Variants in WDR87 observed in about 807,000 individuals in gnomAD.
WDR87 encodes the protein WD repeat-containing protein 87.
A neutral mutation model predicts 83.3 loss-of-function variants in WDR87; 56 were observed. That is an observed-to-expected ratio of 0.67 (90% CI 0.54 to 0.84). The LOEUF (loss-of-function observed/expected upper bound fraction) is 0.84. WDR87 is among the 40% of genes least tolerant of loss of function. The pLI, the probability that WDR87 is intolerant of heterozygous loss-of-function variation, is 0.00. For synonymous variants in WDR87, 1,173 were observed against 1,250.6 expected, an observed-to-expected ratio of 0.94 and a Z score of 1.31; for missense variants, 2,939 against 3,431.9, an observed-to-expected ratio of 0.86 and a Z score of 3.59.
At chr19:37,896,040 A>G in intron 3 of WDR87, 98 bp downstream of exon 3, 1 of 1,436,806 alleles carries the variant, frequency 7.0e-7, no homozygotes, top group South Asian at 1.4e-5. Flanking sequence ...GACCACATTC[A>G]TCCATGGGGA....
chr19:37,900,509 C>T (rs1275838849), intron 1 of WDR87, among the ~76,000 whole-genome samples: 1 of 134,380 alleles, frequency 7.4e-6, no homozygotes, highest in East Asian at 2.4e-4. Context: ...TGCAGCAAGC[C>T]GAGATCACGC....
chr19:37,887,999 T>G lies in WDR87; in HGVS notation c.5672A>C (p.Lys1891Thr), dbSNP rs866212650. The change falls in exon 6 of 6, where the codon AAA becomes ACA. Residue 1891 changes from lysine to threonine, a missense_variant. Coordinates refer to ENST00000447313, the MANE Select transcript of WDR87 (RefSeq NM_001291088.2). ...TAGGTTCTCTTTCCTCTGAGCCAAT[T>G]TTTCCTTCTCCTGGGCCAGATTCTT... is the stretch of plus-strand genomic sequence containing the variant. Reference protein sequence around the residue: ...EKKNLAQEKEKLAQRKENLLY... With the variant: ...EKKNLAQEKETLAQRKENLLY... 24 of 1,550,432 alleles carry G rather than the reference T, an allele frequency of 1.5e-5. No homozygotes were observed. Among genetic ancestry groups the G allele is most frequent in the Non-Finnish European group, 2.1e-5 (24 of 1,146,830 alleles).
Position 37,892,754 on chromosome 19 carries a change from C to A in WDR87, c.2949G>T (p.Gly983=). The part of the protein sequence containing the change: ...NPLIRELAWE[G]LKRLGMITHL... ...GAGTAATCATTCCTAGACGCTTCAGCCCTTCCCAAGCTAGTTCTCGGATCA... is the reference window on the plus strand; with the variant it reads ...GAGTAATCATTCCTAGACGCTTCAGACCTTCCCAAGCTAGTTCTCGGATCA... The change falls in exon 4 of 6, where the codon GGG becomes GGT. Residue 983 remains glycine, a synonymous_variant. Coordinates refer to ENST00000447313, the MANE Select transcript of WDR87 (RefSeq NM_001291088.2). 1 of 1,551,736 alleles carries A rather than the reference C, an allele frequency of 6.4e-7. No individual in the cohort carries two copies. The highest frequency in any genetic ancestry group is 8.7e-7 in the Non-Finnish European group (1 of 1,146,990).
At position 37,884,953 on chromosome 19, in the gene WDR87, G is replaced by A. The variant is rs776270857; in HGVS notation, c.8718C>T (p.His2906=). 159 of 1,332,586 alleles carry A rather than the reference G, an allele frequency of 1.2e-4. No individual in the cohort carries two copies. The highest frequency in any genetic ancestry group is 1.4e-4 in the Non-Finnish European group (149 of 1,035,920). 82.5% of individuals were successfully genotyped at this position (1,332,586 alleles called of 1,614,324 possible). Residue 2906 remains histidine, a synonymous_variant, in exon 6 of 6, where the codon CAC becomes CAT. Transcript: ENST00000447313. The part of the protein sequence containing the change: ...ADLHLTKALT[H]TVAPTL ...CAAATTAGAGAGTGGGAGCAACGGT[G>A]TGTGTCAGTGCCTTGGTGAGATGAA...
chr19:37,895,565 C>T (rs1321519107), intron 3 of WDR87, 109 bp from the exon 4 acceptor site: 24 of 951,044 alleles, frequency 2.5e-5, no homozygotes, highest in South Asian at 1.9e-4. Context: ...GTCAGGAGTT[C>T]GAGAGCAGCC....
Position 37,895,274 on chromosome 19 carries a change from C to A in WDR87, c.429G>T (p.Leu143=). 6.4e-7 allele frequency: 1 copy of A among 1,551,706 alleles called. No homozygotes were observed. Residue 143 remains leucine (L), a synonymous_variant, in exon 4 of 6, where the codon CTG becomes CTT. Coordinates refer to ENST00000447313, the MANE Select transcript of WDR87 (RefSeq NM_001291088.2). ...TGTTGAAGCGGCAGGGCACTTTACC[C>A]AGGGGTTTGAATGCCCGAAAGTGGT... ...FGDHFRAFKP[L]GKVPCRFNIS...
Position 37,890,174 on chromosome 19 carries a change from G to A in WDR87, c.3497C>T (p.Ala1166Val). 6.4e-7 allele frequency: 1 copy of A among 1,551,796 alleles called. No individual in the cohort carries two copies. The highest frequency in any genetic ancestry group is 8.7e-7 in the Non-Finnish European group (1 of 1,147,030). ...GGATGCTTCCTCCATCTCAATTGGT[G>A]CGGCCTCAGTCCCACTTTCATCCTC... The part of the protein sequence containing the change: ...LLEDESGTEA[A>V]PIEMEEASVY... Residue 1166 changes from alanine (A) to valine (V), a missense_variant, in exon 6 of 6, where the codon GCA becomes GTA. By Grantham distance (64) the Ala-to-Val change is moderately conservative. Coordinates refer to ENST00000447313, the MANE Select transcript of WDR87 (RefSeq NM_001291088.2).
chr19:37,893,966 C>G lies in WDR87; in HGVS notation c.1737G>C (p.Leu579=). Residue 579 remains leucine, a synonymous_variant, in exon 4 of 6, where the codon CTG becomes CTC. Transcript: ENST00000447313. Reference sequence around the variant, plus strand: ...GAAAATCATGGAACTTCCAGAGACGCAGGCAGTTTGTCTCTGTGATGGCAC... The same window carrying G: ...GAAAATCATGGAACTTCCAGAGACGGAGGCAGTTTGTCTCTGTGATGGCAC... ...SVGAITETNC[L]RLWKFHDFLS... The G allele has an allele frequency of 6.4e-7, 1 of 1,551,808 alleles. No individual in the cohort carries two copies. The highest frequency in any genetic ancestry group is 8.7e-7 in the Non-Finnish European group (1 of 1,147,028).
chr19:37,895,948 G>T, intron 3 of WDR87, 190 bp downstream of exon 3: 1 of 742,136 alleles, frequency 1.3e-6, no homozygotes, highest in Non-Finnish European at 2.1e-6. Flanking sequence ...TCCTAACCTT[G>T]GTTTACTTCG....
chr19:37,885,394 C>CT lies in WDR87; in HGVS notation c.8276dup (p.Glu2760GlyfsTer44), dbSNP rs1555756562. Reference sequence around the variant, plus strand: ...ATGTCTCCCACAAAGGCAACTCTTCCTTTTTTTTAGAAATGGGCTGTGTCT... The same window carrying CT: ...ATGTCTCCCACAAAGGCAACTCTTCCTTTTTTTTTAGAAATGGGCTGTGTCT... On this transcript the variant is annotated frameshift_variant, in exon 6 of 6. Transcript: ENST00000447313. LOFTEE classifies it low-confidence loss of function (END_TRUNC). 3.7e-5 allele frequency: 58 copies of CT among 1,551,652 alleles called. No individual in the cohort carries two copies. The highest frequency in any genetic ancestry group is 1.4e-4 in the African/African-American group (10 of 73,102).
chr19:37,901,430 C>A (rs1368326536), intron 1 of WDR87, among the ~76,000 whole-genome samples: 1 of 152,036 alleles, frequency 6.6e-6, no homozygotes, highest in Non-Finnish European at 1.5e-5. Flanking sequence ...GACTCCATCT[C>A]AAAAACAAAA....
At chr19:37,898,307 C>T in intron 1 of WDR87, 22 bp from the exon 2 acceptor site, 1 of 1,516,926 alleles carries the variant, frequency 6.6e-7, no homozygotes, top group Admixed American at 2.3e-5. Flanking sequence ...CAAAAGAGCC[C>T]AGCTTAGTCA....
rs987239546 is a variant in WDR87 at position 37,902,198 on chromosome 19, T to C, written c.-46-3913A>G. Reference sequence around the variant, plus strand: ...CTTTAATCCCAACAGTCTTGTTTAATATCTTTTATTTCTTTTTCCTTTTTT... The same window carrying C: ...CTTTAATCCCAACAGTCTTGTTTAACATCTTTTATTTCTTTTTCCTTTTTT... On this transcript the variant is annotated intron_variant, in intron 1 of 5. Transcript: ENST00000447313. Among the ~76,000 whole-genome samples the C allele has an allele frequency of 2.6e-5, 4 of 152,020 alleles. No homozygotes were observed. In the East Asian group the frequency reaches 7.7e-4, roughly 29 times the overall value.
chr19:37,892,826 A>G lies in WDR87; in HGVS notation c.2877T>C (p.Ser959=). Residue 959 remains serine, a synonymous_variant, in exon 4 of 6, where the codon TCT becomes TCC. Coordinates refer to ENST00000447313, the MANE Select transcript of WDR87 (RefSeq NM_001291088.2). ...CATTCAGTAGCCGACGGGCTGTCTC[A>G]GAGCGTAGGGCTGGGGACACCTGGT... ...ASYQVSPALR[S]ETARRLLNDT... 6.4e-7 allele frequency: 1 copy of G among 1,551,820 alleles called. No homozygotes were observed. The highest frequency in any genetic ancestry group is 8.7e-7 in the Non-Finnish European group (1 of 1,147,010).
At position 37,893,485 on chromosome 19, in the gene WDR87, T is replaced by C. The variant is rs2046225639; in HGVS notation, c.2218A>G (p.Ile740Val). The change falls in exon 4 of 6, where the codon ATT becomes GTT. Residue 740 changes from isoleucine to valine, a missense_variant. Physicochemically the swap from Ile to Val is conservative, Grantham distance 29. This residue lies in a region of WDR87 where 2,160 missense variants were observed against 2,533.1 expected (regional missense o/e 0.85). Transcript: ENST00000447313. ...GLEKLVNNRAIAFDHSVPHVI... is the reference protein window; with the variant it reads ...GLEKLVNNRAVAFDHSVPHVI... ...TGTGGCACAGAATGGTCAAAGGCAA[T>C]GGCCCGGTTGTTGACAAGTTTCTCC... 1 of 1,551,814 alleles carries C rather than the reference T, an allele frequency of 6.4e-7. No individual in the cohort carries two copies. Among genetic ancestry groups the C allele is most frequent in the African/African-American group, 1.4e-5 (1 of 73,050 alleles).
At chr19:37,897,640 T>C (rs1184762132) in intron 2 of WDR87, among the ~76,000 whole-genome samples, 2 of 151,948 alleles carry the variant, frequency 1.3e-5, no homozygotes, top group Non-Finnish European at 2.9e-5. Context: ...TCCCAGCACT[T>C]TGGGAGGCCG....
In WDR87 at chr19:37,898,251, T is replaced by A. The variant is rs1410264969; in HGVS notation, c.-12A>T. 6.4e-7 allele frequency: 1 copy of A among 1,551,400 alleles called. No homozygotes were observed. The highest frequency in any genetic ancestry group is 1.4e-5 in the African/African-American group (1 of 73,138). ...CTGGGGGAAGACATCACCGTCAGAC[T>A]CCCTTGGCCCTCCTGAGGACTGTTG... On this transcript the variant is annotated 5_prime_UTR_variant, in exon 2 of 6. Coordinates refer to ENST00000447313, the MANE Select transcript of WDR87 (RefSeq NM_001291088.2).
chr19:37,898,697 C>G (rs922438708), intron 1 of WDR87, among the ~76,000 whole-genome samples: 1 of 152,138 alleles, frequency 6.6e-6, no homozygotes, highest in African/African-American at 2.4e-5. Flanking sequence ...CCTCATGAAC[C>G]AGGACAGACA....
In WDR87 at chr19:37,892,732, T is replaced by A. The variant is rs772209384; in HGVS notation, c.2971A>T (p.Thr991Ser). The change falls in exon 4 of 6, where the codon ACT becomes TCT. Residue 991 changes from threonine (T) to serine (S), a missense_variant. Thr to Ser is a moderately conservative substitution (Grantham distance 58). Transcript: ENST00000447313. ...WEGLKRLGMI[T>S]HLFAMPLAQG... ...GCCAGAGGCATGGCAAAAAGATGAG[T>A]AATCATTCCTAGACGCTTCAGCCCT... The A allele has an allele frequency of 1.6e-5, 25 of 1,551,658 alleles. No homozygotes were observed. In the South Asian group the frequency reaches 2.9e-4, roughly 18 times the overall value.
Sources: gnomAD v4.1 joint callset for allele counts (sites outside exome capture counted in the v4.1 genomes callset) on GRCh38, gnomAD v4.1.1 for gene constraint, gnomAD v4.1.1 regional missense constraint, MANE v1.5 for transcripts, NCBI Gene and HGNC (gene_info 2026-07-23, HGNC 2026-07-21) for gene names.